Variants in SCG3 observed in about 807,000 individuals in gnomAD.
SCG3 encodes the protein secretogranin-3.
Under a neutral mutation model 56.2 loss-of-function variants are expected in SCG3, and 38 were observed. That is an observed-to-expected ratio of 0.68 (90% CI 0.52 to 0.89). The LOEUF (loss-of-function observed/expected upper bound fraction) is 0.89. SCG3 is among the 40% of genes least tolerant of loss of function. SCG3 has a pLI of 0.00. For missense variants in SCG3, 524 were observed against 540.7 expected, an observed-to-expected ratio of 0.97 and a Z score of 0.31; for synonymous variants, 176 against 184.2, an observed-to-expected ratio of 0.96 and a Z score of 0.36.
intron 11 of SCG3, among the ~76,000 whole-genome samples, chr15:51,713,645 A>G (rs2055435364): frequency 6.6e-6 from 1 of 152,200 alleles, no homozygotes; most frequent in African/African-American, 2.4e-5. Flanking sequence ...ATTAGGAAAA[A>G]TGTCAAGCAA....
At chr15:51,688,157 C>A in intron 4 of SCG3, 103 bp from the exon 5 acceptor site, 1 of 1,097,796 alleles carries the variant, frequency 9.1e-7, no homozygotes, top group Non-Finnish European at 1.3e-6. Context: ...ACATTTCAAA[C>A]ATATCTGAAT....
intron 7 of SCG3, chr15:51,693,376 G>A (rs1225345228): frequency 1.3e-5 from 2 of 152,162 alleles, no homozygotes; most frequent in Non-Finnish European, 2.9e-5. Context: ...TTAAAATGGA[G>A]AACATTAGAC....
intron 6 of SCG3, 32 bp downstream of exon 6, chr15:51,689,400 G>GGTGTGTGTGTGT: frequency 8.5e-7 from 1 of 1,176,704 alleles, no homozygotes; most frequent in Non-Finnish European, 1.1e-6. Context: ...TATGCATGGG[G>GGTGTGTGTGTGT]GTGTGTGTGT....
chr15:51,697,744 T>C (rs1336403905), intron 8 of SCG3, among the ~76,000 whole-genome samples: 8 of 152,242 alleles, frequency 5.3e-5, no homozygotes, highest in Non-Finnish European at 1.5e-5. Flanking sequence ...ATCTGCTCCT[T>C]ACATATGCAA....
rs148803884 is a variant in SCG3, at chr15:51,701,263, T to C, written c.1207+19T>C. 1 of 1,545,130 alleles carries C rather than the reference T, an allele frequency of 6.5e-7. No homozygotes were observed. The highest frequency in any genetic ancestry group is 2.3e-5 in the East Asian group (1 of 44,176). ...CCCAAAGGTATGGGATTGACAGCTC[T>C]AGGTTAGCAATGAAATTGGGAAAGC... On this transcript the variant is annotated intron_variant, in intron 10 of 11. Coordinates refer to ENST00000220478, the MANE Select transcript of SCG3 (RefSeq NM_013243.4).
chr15:51,689,602 C>T (rs573483357), intron 6 of SCG3, among the ~76,000 whole-genome samples: 4 of 152,080 alleles, frequency 2.6e-5, no homozygotes, highest in Admixed American at 2.6e-4. Flanking sequence ...CTAGACCTGG[C>T]AACATAATGA....
chr15:51,704,553 G>A (rs1053131941), intron 10 of SCG3, among the ~76,000 whole-genome samples: 1 of 149,904 alleles, frequency 6.7e-6, no homozygotes, highest in East Asian at 2.0e-4. Flanking sequence ...CCTCATATAA[G>A]TGGAATCATA....
At position 51,713,378 on chromosome 15, in the gene SCG3, G is replaced by A. The variant is rs2055433177; in HGVS notation, c.1253G>A (p.Trp418Ter). 2 of 1,606,160 alleles carry A rather than the reference G, an allele frequency of 1.2e-6. No individual in the cohort carries two copies. The highest frequency in any genetic ancestry group is 1.1e-5 in the South Asian group (1 of 89,386). ...GAAGCCATCAGAAAAAATATTGAATGGTTGAAGAAACATGACAAAAAGGGA... is the reference window on the plus strand; with the variant it reads ...GAAGCCATCAGAAAAAATATTGAATAGTTGAAGAAACATGACAAAAAGGGA... ...YLEAIRKNIE[W>*]LKKHDKKGNK... Residue 418 changes from tryptophan to a stop codon, truncating the protein, a stop_gained, in exon 11 of 12, where the codon TGG becomes TAG. Coordinates refer to ENST00000220478, the MANE Select transcript of SCG3 (RefSeq NM_013243.4). LOFTEE classifies it high-confidence loss of function.
chr15:51,699,820 C>G (rs1235041571), intron 9 of SCG3, among the ~76,000 whole-genome samples: 2 of 152,090 alleles, frequency 1.3e-5, no homozygotes, highest in Non-Finnish European at 2.9e-5. Context: ...GGTTTTCTCT[C>G]TCCCCTGGGA....
intron 9 of SCG3, among the ~76,000 whole-genome samples, chr15:51,700,732 A>G (rs1300836870): frequency 1.3e-5 from 2 of 152,128 alleles, no homozygotes; most frequent in East Asian, 3.9e-4. Flanking sequence ...ACTTCAGAAC[A>G]TGACATATCC....
intron 10 of SCG3, among the ~76,000 whole-genome samples, chr15:51,702,172 T>G (rs1464070295): frequency 6.6e-6 from 1 of 152,214 alleles, no homozygotes; most frequent in East Asian, 1.9e-4. Flanking sequence ...TTGATAAAAA[T>G]GACAAATTCA....
Position 51,701,344 on chromosome 15 carries a change from G to A in SCG3, c.1207+100G>A, listed in dbSNP as rs543023514. 4.9e-6 allele frequency: 6 copies of A among 1,229,864 alleles called. No individual in the cohort carries two copies. In the South Asian group the frequency reaches 7.7e-5, roughly 16 times the overall value. The allele number at this position is 1,229,864 out of a possible 1,614,324, so 76.2% of individuals were successfully genotyped here. ...CCAAAGAGCAAGCTCCATCACATCT[G>A]AGAAATTGACACAATCTGTATAGAA... is the stretch of plus-strand genomic sequence containing the variant. On this transcript the variant is annotated intron_variant, in intron 10 of 11. Transcript: ENST00000220478.
At chr15:51,697,824 TTA>T (rs1404734372) in intron 8 of SCG3, among the ~76,000 whole-genome samples, 3 of 152,230 alleles carry the variant, frequency 2.0e-5, no homozygotes, top group African/African-American at 7.2e-5. Flanking sequence ...CATATATGTA[TTA>T]TGTGTGTATA....
intron 9 of SCG3, among the ~76,000 whole-genome samples, chr15:51,700,731 C>A (rs534300188): frequency 6.6e-6 from 1 of 151,804 alleles, no homozygotes; most frequent in Non-Finnish European, 1.5e-5. Context: ...TACTTCAGAA[C>A]ATGACATATC....
intron 9 of SCG3, 117 bp downstream of exon 9, chr15:51,699,519 T>G (rs1014689364): frequency 2.6e-6 from 2 of 755,748 alleles, no homozygotes; most frequent in Non-Finnish European, 4.3e-6. Flanking sequence ...TGTTAAAATC[T>G]GAAACGCAGC....
intron 4 of SCG3, among the ~76,000 whole-genome samples, chr15:51,687,828 T>A (rs940261043): frequency 6.6e-6 from 1 of 152,232 alleles, no homozygotes; most frequent in Non-Finnish European, 1.5e-5. Flanking sequence ...GCAAAGGTAG[T>A]ACATGTGGGG....
chr15:51,700,697 T>C (rs2055333816), intron 9 of SCG3, among the ~76,000 whole-genome samples: 1 of 152,156 alleles, frequency 6.6e-6, no homozygotes, highest in African/African-American at 2.4e-5. Flanking sequence ...GTTATTATCA[T>C]TTGGAATCAA....
At chr15:51,702,712 T>C (rs561634056) in intron 10 of SCG3, among the ~76,000 whole-genome samples, 1 of 152,370 alleles carries the variant, frequency 6.6e-6, no homozygotes, top group East Asian at 1.9e-4. Context: ...AAAGTTGTGC[T>C]AGTTACATCA....
In SCG3 at chr15:51,683,191, T is replaced by A. The variant is rs1163793652; in HGVS notation, c.182-28T>A. 3.7e-6 allele frequency: 6 copies of A among 1,606,296 alleles called. No homozygotes were observed. The South Asian group carries it at 5.5e-5, about 15-fold the overall frequency. The stretch of plus-strand genomic sequence containing the variant: ...CTATGAGAATCTGAACTAAAATGGC[T>A]GTGTTGGGTTTGGGGCTATTCTTCC... On this transcript the variant is annotated intron_variant, in intron 3 of 11. Coordinates refer to ENST00000220478, the MANE Select transcript of SCG3 (RefSeq NM_013243.4).
Sources: allele counts gnomAD v4.1 joint callset (sites outside exome capture counted in the v4.1 genomes callset), GRCh38; gene constraint gnomAD v4.1.1; transcripts MANE v1.5; gene names NCBI Gene and HGNC (gene_info 2026-07-23, HGNC 2026-07-21).